LRRK2: variants seen among roughly 807,000 people sequenced by gnomAD.
The protein encoded by LRRK2 is leucine-rich repeat serine/threonine-protein kinase 2.
LRRK2 carries 203 observed loss-of-function variants against 302.6 expected under a neutral mutation model. The ratio of observed to expected loss-of-function variants is 0.67; its 90% CI spans 0.60 to 0.75. LRRK2 has a LOEUF of 0.75. Ranked by LOEUF, LRRK2 falls within the 30% of genes least tolerant of loss-of-function variation. The pLI is 0.00. For synonymous variants in LRRK2, 1,066 were observed against 1,031.9 expected (o/e 1.03, Z -0.63); for missense variants, 2,830 against 2,951.0 (o/e 0.96, Z 0.95).
chr12:40,230,970 C>T (rs1941151001), intron 2 of LRRK2, among the ~76,000 whole-genome samples: 1 of 152,110 alleles, frequency 6.6e-6, no homozygotes, highest in African/African-American at 2.4e-5. Flanking sequence ...CTTATCAATT[C>T]ATTCTAGAGA....
At chr12:40,238,861 C>G (rs974719865) in intron 5 of LRRK2, among the ~76,000 whole-genome samples, 2 of 152,118 alleles carry the variant, frequency 1.3e-5, no homozygotes, top group African/African-American at 4.8e-5. Flanking sequence ...AATTCCCTGT[C>G]TCCTCCCAGA....
intron 2 of LRRK2, among the ~76,000 whole-genome samples, chr12:40,226,992 A>G (rs1328098276): frequency 6.6e-6 from 1 of 152,092 alleles, no homozygotes; most frequent in African/African-American, 2.4e-5. Context: ...TAGATAAGGC[A>G]GTGCTATACT....
At chr12:40,310,397 C>A (rs754562771) in intron 30 of LRRK2, 34 bp from the exon 31 acceptor site, 2 of 1,603,310 alleles carry the variant, frequency 1.2e-6, no homozygotes, top group Admixed American at 1.7e-5. Context: ...AGTTTGAAAG[C>A]AAACACAAGA....
intron 14 of LRRK2, among the ~76,000 whole-genome samples, chr12:40,270,790 A>G (rs1943198922): frequency 6.6e-6 from 1 of 152,128 alleles, no homozygotes; most frequent in Admixed American, 6.6e-5. Context: ...ATCTTTATAT[A>G]CATATACATA....
At position 40,368,353 on chromosome 12, in the gene LRRK2, T is replaced by C. The variant is rs1946939272; in HGVS notation, c.*588T>C. Reference sequence around the variant, plus strand: ...GTGCATCTTACACAACTTCACTCAATTCAAAAGAAAACTCCATTAAAAGTA... The same window carrying C: ...GTGCATCTTACACAACTTCACTCAACTCAAAAGAAAACTCCATTAAAAGTA... On this transcript the variant is annotated 3_prime_UTR_variant, in exon 51 of 51. Transcript: ENST00000298910. 1 of 151,860 alleles carries C rather than the reference T, an allele frequency of 6.6e-6. No individual in the cohort carries two copies. Among genetic ancestry groups the C allele is most frequent in the Non-Finnish European group, 1.5e-5 (1 of 67,714 alleles). The allele number at this position is 151,860 out of a possible 1,614,324, so 9.4% of individuals were successfully genotyped here. A position where few individuals can be genotyped will look rare whatever the true frequency, so the allele number is the denominator to read the frequency against.
At position 40,252,996 on chromosome 12, in the gene LRRK2, C is replaced by A; in HGVS notation, c.1268C>A (p.Ser423Ter). 1 of 1,611,622 alleles carries A rather than the reference C, an allele frequency of 6.2e-7. No individual in the cohort carries two copies. Among genetic ancestry groups the A allele is most frequent in the South Asian group, 1.1e-5 (1 of 91,002 alleles). The change falls in exon 11 of 51, where the codon TCA becomes TAA. Residue 423 changes from serine to a stop codon, truncating the protein, a stop_gained. Transcript: ENST00000298910. LOFTEE classifies it high-confidence loss of function. ...EVFQASANAL[S>*]TLLEQNVNFR... ...TTCCAGGCATCTGCGAATGCATTGT[C>A]AACTCTCTTAGAACAAAATGGTAAG...
At chr12:40,303,549 C>T (rs1944702067) in intron 26 of LRRK2, among the ~76,000 whole-genome samples, 1 of 152,030 alleles carries the variant, frequency 6.6e-6, no homozygotes, top group Non-Finnish European at 1.5e-5. Context: ...GCAATGAGCT[C>T]TTCTGTGAGC....
intron 39 of LRRK2, among the ~76,000 whole-genome samples, chr12:40,332,270 A>T (rs1206766921): frequency 6.6e-6 from 1 of 152,164 alleles, no homozygotes; most frequent in Admixed American, 6.5e-5. Flanking sequence ...GTGAGGGTTG[A>T]GTAACTCAGT....
chr12:40,308,792 G>C, intron 29 of LRRK2, 96 bp downstream of exon 29: 1 of 1,142,178 alleles, frequency 8.8e-7, no homozygotes, highest in South Asian at 1.3e-5. Context: ...CCAGAAACCT[G>C]GTAGACTGTA....
chr12:40,367,288 G>C (rs1241001656), intron 50 of LRRK2: 14 of 509,020 alleles, frequency 2.8e-5, no homozygotes, highest in Non-Finnish European at 4.8e-5. Context: ...CTGAAGTAGA[G>C]GTGTCAATCA....
intron 14 of LRRK2, among the ~76,000 whole-genome samples, chr12:40,268,236 C>CA (rs1255505080): frequency 1.3e-5 from 2 of 152,128 alleles, no homozygotes; most frequent in African/African-American, 4.8e-5. Context: ...GTTTTATATG[C>CA]GGTGACACTC....
intron 33 of LRRK2, among the ~76,000 whole-genome samples, chr12:40,315,639 A>G (rs769387496): frequency 6.6e-6 from 1 of 151,994 alleles, no homozygotes; most frequent in Non-Finnish European, 1.5e-5. Flanking sequence ...TGGGGTAAAC[A>G]CATATAAGAA....
At chr12:40,353,327 C>A (rs1592329204) in intron 44 of LRRK2, among the ~76,000 whole-genome samples, 1 of 141,168 alleles carries the variant, frequency 7.1e-6, no homozygotes, top group East Asian at 2.2e-4. Context: ...GGCAGAGATG[C>A]TCCTCACCTC....
chr12:40,265,676 T>C (rs990029377), intron 14 of LRRK2, among the ~76,000 whole-genome samples: 2 of 152,190 alleles, frequency 1.3e-5, no homozygotes, highest in Non-Finnish European at 2.9e-5. Flanking sequence ...TTTACTATTA[T>C]AATGAGCAAA....
rs1353183182 is a variant in LRRK2, at chr12:40,228,347, A to AT, written c.237+2716dup. Among the ~76,000 whole-genome samples, 28 of 109,332 alleles carry AT rather than the reference A, an allele frequency of 2.6e-4. 1 individual carries two copies. Among genetic ancestry groups the AT allele is most frequent in the African/African-American group, 7.5e-4 (21 of 28,162 alleles). The allele number at this position is 109,332 out of a possible 152,430, so 71.7% of individuals were successfully genotyped here. On this transcript the variant is annotated intron_variant, in intron 2 of 50. Coordinates refer to ENST00000298910, the MANE Select transcript of LRRK2 (RefSeq NM_198578.4). ...TCCCTAATGATTAGTGAAGTTTAGG[A>AT]TTTTTTTTTCATGTACCTGTTAGCC...
chr12:40,261,400 T>A (rs1239683746), intron 13 of LRRK2, among the ~76,000 whole-genome samples: 2 of 152,180 alleles, frequency 1.3e-5, no homozygotes, highest in African/African-American at 4.8e-5. Context: ...AAACTGATCC[T>A]GAAGGAAAAT....
chr12:40,331,746 G>T (rs1434728786), intron 39 of LRRK2, among the ~76,000 whole-genome samples: 1 of 152,098 alleles, frequency 6.6e-6, no homozygotes, highest in African/African-American at 2.4e-5. Flanking sequence ...TCTCTTCATA[G>T]ATCAATAACT....
intron 2 of LRRK2, among the ~76,000 whole-genome samples, chr12:40,226,856 T>C (rs532403244): frequency 6.6e-6 from 1 of 152,282 alleles, no homozygotes; most frequent in African/African-American, 2.4e-5. Flanking sequence ...TGTCTCTGCT[T>C]TGGTGTTCAG....
intron 6 of LRRK2, among the ~76,000 whole-genome samples, chr12:40,241,083 AAG>A (rs1310667047): frequency 2.0e-5 from 3 of 152,250 alleles, no homozygotes; most frequent in Non-Finnish European, 2.9e-5. Context: ...ATGCTGGAGC[AAG>A]AGAGAGCAGA....
Sources: allele counts gnomAD v4.1 joint callset (sites outside exome capture counted in the v4.1 genomes callset), GRCh38; gene constraint gnomAD v4.1.1; transcripts MANE v1.5; gene names NCBI Gene and HGNC (gene_info 2026-07-23, HGNC 2026-07-21).